Variants in MRM1 observed in about 807,000 individuals in gnomAD.
MRM1 encodes rRNA methyltransferase 1, mitochondrial.
MRM1 carries 24 observed loss-of-function variants against 25.0 expected under a neutral mutation model. The observed-to-expected ratio is 0.96, with a 90% CI of 0.69 to 1.35. MRM1 has a LOEUF of 1.35. Ranked by LOEUF, MRM1 falls within the 40% of genes most tolerant of loss-of-function variation. The probability of loss-of-function intolerance (pLI) is 0.00; values close to 1 mark genes in which losing one functional copy is unlikely to be tolerated. For synonymous variants in MRM1, 188 were observed against 199.2 expected (o/e 0.94, Z 0.47); for missense variants, 431 against 464.1 (o/e 0.93, Z 0.65).
In MRM1 at chr17:36,602,712, C is replaced by A; in HGVS notation, c.636+66C>A. 3 of 1,570,430 alleles carry A rather than the reference C, an allele frequency of 1.9e-6. No homozygotes were observed. Among genetic ancestry groups the A allele is most frequent in the Non-Finnish European group, 2.6e-6 (3 of 1,141,184 alleles). ...GCTCAGCCTCTTCAAGGGGACGAAG[C>A]TAGCCCCTGGCGAGGGAGAGAAAGG... On this transcript the variant is annotated intron_variant, in intron 2 of 4. Transcript: ENST00000614766. The surrounding 1 kb of genome is among the most constrained non-coding windows in gnomAD (Gnocchi z 4.1).
intron 2 of MRM1, among the ~76,000 whole-genome samples, chr17:36,603,638 A>G (rs1438416911): frequency 6.6e-6 from 1 of 151,996 alleles, no homozygotes; most frequent in African/African-American, 2.4e-5. Flanking sequence ...ACCTTAAGCG[A>G]TCCACTCGCC....
At chr17:36,613,264 T>TACACACACAC (rs2142848927), downstream of MRM1, among the ~76,000 whole-genome samples, 1 of 151,946 alleles carries the variant, frequency 6.6e-6, no homozygotes, top group Non-Finnish European at 1.5e-5. Context: ...CCGACACACA[T>TACACACACAC]ACACACACAC....
Position 36,602,181 on chromosome 17 carries a change from G to T in MRM1, c.371G>T (p.Ser124Ile). Residue 124 changes from serine to isoleucine, a missense_variant, in exon 1 of 5, where the codon AGC (serine) becomes ATC (isoleucine). Ser to Ile is a moderately radical substitution (Grantham distance 142). Coordinates refer to ENST00000614766, the MANE Select transcript of MRM1 (RefSeq NM_024864.5). The surrounding 1 kb of genome is among the most constrained non-coding windows in gnomAD (Gnocchi z 4.1). ...QVHQGVCMEV[S>I]PLRPRPWREA... ...CACCAGGGTGTCTGCATGGAGGTGA[G>T]CCCGCTGCGGCCCCGGCCTTGGAGA... The T allele has an allele frequency of 1.2e-6, 2 of 1,611,316 alleles. No homozygotes were observed. Among genetic ancestry groups the T allele is most frequent in the Non-Finnish European group, 1.7e-6 (2 of 1,178,476 alleles).
rs148063042 is a variant in MRM1, at chr17:36,608,417, G to A, written c.*2G>A. 1,618 of 1,555,954 alleles carry A rather than the reference G, an allele frequency of 1.0e-3. 10 individuals carry two copies. In the Middle Eastern group the frequency reaches 0.037, roughly 36 times the overall value. On this transcript the variant is annotated 3_prime_UTR_variant, in exon 5 of 5. Coordinates refer to ENST00000614766, the MANE Select transcript of MRM1 (RefSeq NM_024864.5). ...AAAGAGAGGCAAAATGAGGGCTGAC[G>A]TGGACTGTCCACAGTGTTCATGTGC...
chr17:36,612,011 C>T (rs913385163), downstream of MRM1, among the ~76,000 whole-genome samples: 3 of 152,188 alleles, frequency 2.0e-5, no homozygotes, highest in Non-Finnish European at 2.9e-5. Context: ...TGAATGTAGG[C>T]GTCCCAGTGC....
chr17:36,633,769 A>G, the MRM1 span, among the ~76,000 whole-genome samples: 1 of 152,124 alleles, frequency 6.6e-6, no homozygotes, highest in African/African-American at 2.4e-5. Context: ...AGCAGCAGGA[A>G]TGAAGAACAT....
chr17:36,608,048 A>G (rs1167799658), intron 4 of MRM1, 30 bp downstream of exon 4: 8 of 1,608,548 alleles, frequency 5.0e-6, no homozygotes, highest in East Asian at 2.2e-5. Context: ...CCTTTCCTCT[A>G]TCCCTCTAAT....
the MRM1 span, among the ~76,000 whole-genome samples, chr17:36,628,339 T>C: frequency 1.3e-5 from 2 of 152,230 alleles, no homozygotes; most frequent in African/African-American, 4.8e-5. Flanking sequence ...AGCTCCTGGA[T>C]TGCAGAACAG....
downstream of MRM1, among the ~76,000 whole-genome samples, chr17:36,611,314 A>G (rs752692804): frequency 1.3e-5 from 2 of 152,146 alleles, no homozygotes; most frequent in African/African-American, 2.4e-5. Context: ...TCCTGGCTCC[A>G]TGGCTTTCCA....
At chr17:36,609,474 T>A (rs1179465712), downstream of MRM1, among the ~76,000 whole-genome samples, 4 of 152,228 alleles carry the variant, frequency 2.6e-5, no homozygotes, top group Non-Finnish European at 4.4e-5. Context: ...TTGGGCCAGA[T>A]AATTTTTTGT....
chr17:36,609,529 C>T (rs1286513724), downstream of MRM1, among the ~76,000 whole-genome samples: 2 of 152,178 alleles, frequency 1.3e-5, no homozygotes, highest in Non-Finnish European at 2.9e-5. Context: ...GCAGAATCCC[C>T]GACCTATACG....
the MRM1 span, among the ~76,000 whole-genome samples, chr17:36,614,774 G>A: frequency 1.3e-5 from 2 of 152,206 alleles, no homozygotes; most frequent in Non-Finnish European, 1.5e-5. Flanking sequence ...CTCAATAATT[G>A]TAGTTATTTT....
the MRM1 span, among the ~76,000 whole-genome samples, chr17:36,615,659 CAAA>C: frequency 2.8e-5 from 3 of 109,066 alleles, no homozygotes; most frequent in Admixed American, 9.8e-5. Flanking sequence ...AACTCCGTCT[CAAA>C]AAAAAAAAAA....
downstream of MRM1, among the ~76,000 whole-genome samples, chr17:36,609,811 G>A (rs1301311739): frequency 1.3e-5 from 2 of 152,222 alleles, no homozygotes; most frequent in East Asian, 1.9e-4. Context: ...CATGTATTAG[G>A]TGCTCAATAA....
At chr17:36,630,818 T>G in the MRM1 span, among the ~76,000 whole-genome samples, 1 of 152,070 alleles carries the variant, frequency 6.6e-6, no homozygotes, top group South Asian at 2.1e-4. Flanking sequence ...GGGGGCAGAT[T>G]TATTTGGTTA....
At chr17:36,608,047 T>C in intron 4 of MRM1, 29 bp downstream of exon 4, 1 of 1,610,844 alleles carries the variant, frequency 6.2e-7, no homozygotes, top group Non-Finnish European at 8.5e-7. Flanking sequence ...CCCTTTCCTC[T>C]ATCCCTCTAA....
the MRM1 span, among the ~76,000 whole-genome samples, chr17:36,618,967 A>G: frequency 1.3e-5 from 2 of 152,142 alleles, no homozygotes; most frequent in African/African-American, 4.8e-5. Context: ...AGTAGTGTTA[A>G]GTATATTCAC....
chr17:36,613,256 GAC>G (rs764555153), downstream of MRM1, among the ~76,000 whole-genome samples: 6 of 151,868 alleles, frequency 4.0e-5, no homozygotes, highest in Non-Finnish European at 8.8e-5. Flanking sequence ...CCGCTTTGCC[GAC>G]ACACATACAC....
rs141376338 is a variant in MRM1, at chr17:36,601,964, C to T, written c.154C>T (p.Leu52=). ...DLVPTSRLEL[L]FGMTPCLLAL... Reference sequence around the variant, plus strand: ...GGTGCCGACCTCTCGGCTGGAGCTTCTGTTTGGCATGACCCCGTGTCTCCT... The same window carrying T: ...GGTGCCGACCTCTCGGCTGGAGCTTTTGTTTGGCATGACCCCGTGTCTCCT... The change falls in exon 1 of 5, where the codon CTG becomes TTG. Residue 52 remains leucine, a synonymous_variant. Transcript: ENST00000614766. 124 of 1,613,026 alleles carry T rather than the reference C, an allele frequency of 7.7e-5. No individual in the cohort carries two copies. In the African/African-American group the frequency reaches 1.6e-3, roughly 21 times the overall value.
Sources: gnomAD v4.1 joint callset for allele counts (sites outside exome capture counted in the v4.1 genomes callset) on GRCh38, gnomAD v4.1.1 for gene constraint, Gnocchi (gnomAD v3.1) non-coding constraint, MANE v1.5 for transcripts, NCBI Gene and HGNC (gene_info 2026-07-23, HGNC 2026-07-21) for gene names.